The following KCNJ3 variants were observed in gnomAD, a reference collection of about 807,000 sequenced individuals.
KCNJ3 encodes G protein-activated inward rectifier potassium channel 1.
In KCNJ3, 4 loss-of-function variants were observed where a neutral mutation model predicts 39.2. The ratio of observed to expected loss-of-function variants is 0.10; its 90% CI spans 0.05 to 0.23. The LOEUF (loss-of-function observed/expected upper bound fraction) is 0.23, where lower values mean the gene tolerates loss of function less well. KCNJ3 is among the 10% of genes least tolerant of loss of function. KCNJ3 has a pLI of 1.00. For synonymous variants in KCNJ3, 230 were observed against 237.4 expected (o/e 0.97, Z 0.29); for missense variants, 276 against 634.9 (o/e 0.43, Z 6.08).
intron 2 of KCNJ3, among the ~76,000 whole-genome samples, chr2:154,779,519 T>TTTTATATATATAGTTATATATATA (rs1686398506): frequency 7.1e-6 from 1 of 141,630 alleles, no homozygotes; most frequent in East Asian, 2.0e-4. Flanking sequence ...TATATATATT[T>TTTTATATATATAGTTATATATATA]TTTATATATA....
At chr2:154,831,374 T>A (rs1687360398) in intron 2 of KCNJ3, among the ~76,000 whole-genome samples, 1 of 152,212 alleles carries the variant, frequency 6.6e-6, no homozygotes, top group East Asian at 1.9e-4. Flanking sequence ...TTCATAAGAT[T>A]AAATCTTTAA....
At chr2:154,745,159 T>C (rs1685719396) in intron 2 of KCNJ3, among the ~76,000 whole-genome samples, 1 of 151,982 alleles carries the variant, frequency 6.6e-6, no homozygotes, top group Admixed American at 6.6e-5. Context: ...CCTATCTTGA[T>C]ACATGCTATG....
chr2:154,754,867 G>A (rs1048630285), intron 2 of KCNJ3, among the ~76,000 whole-genome samples: 1 of 152,010 alleles, frequency 6.6e-6, no homozygotes, highest in South Asian at 2.1e-4. Context: ...AGTTATCTGT[G>A]GTTGGAGTTT....
intron 2 of KCNJ3, among the ~76,000 whole-genome samples, chr2:154,734,432 CCTT>C (rs1230686581): frequency 6.6e-6 from 1 of 152,192 alleles, no homozygotes; most frequent in African/African-American, 2.4e-5. Context: ...CTCACCCTCT[CCTT>C]CATCCTCTGC....
chr2:154,777,902 G>A (rs2105200882), intron 2 of KCNJ3, among the ~76,000 whole-genome samples: 1 of 152,230 alleles, frequency 6.6e-6, no homozygotes, highest in South Asian at 2.1e-4. Context: ...ACACATATAT[G>A]GAGCTTTAAT....
At chr2:154,704,230 G>C (rs1405826362) in intron 1 of KCNJ3, among the ~76,000 whole-genome samples, 1 of 152,068 alleles carries the variant, frequency 6.6e-6, no homozygotes. Flanking sequence ...AAAGTGAACA[G>C]AAATTAGGGG....
chr2:154,843,339 A>C (rs1434526517), intron 2 of KCNJ3, among the ~76,000 whole-genome samples: 1 of 151,912 alleles, frequency 6.6e-6, no homozygotes, highest in Admixed American at 6.6e-5. Context: ...TTTGTGGGTA[A>C]CTCAACCTTT....
At chr2:154,834,981 C>T (rs974857452) in intron 2 of KCNJ3, among the ~76,000 whole-genome samples, 2 of 151,568 alleles carry the variant, frequency 1.3e-5, no homozygotes, top group East Asian at 1.9e-4. Flanking sequence ...ATGTTGCTCA[C>T]TCCTCCTCAC....
chr2:154,786,946 A>G (rs542108012), intron 2 of KCNJ3, among the ~76,000 whole-genome samples: 1 of 152,188 alleles, frequency 6.6e-6, no homozygotes, highest in African/African-American at 2.4e-5. Context: ...GCCAGAGAAT[A>G]TTAATTTGTT....
chr2:154,745,885 C>T (rs1574445006), intron 2 of KCNJ3, among the ~76,000 whole-genome samples: 1 of 152,078 alleles, frequency 6.6e-6, no homozygotes, highest in Middle Eastern at 3.4e-3. Flanking sequence ...CAGATTCCCA[C>T]TCAGCCGTCA....
chr2:154,846,363 T>A (rs529108538), intron 2 of KCNJ3, among the ~76,000 whole-genome samples: 1 of 152,234 alleles, frequency 6.6e-6, no homozygotes, highest in Non-Finnish European at 1.5e-5. Context: ...TTTAATTAAT[T>A]GGAACCTTAA....
rs78188500 is a variant in KCNJ3, at chr2:154,739,263, C to A, written c.919+29444C>A. 8.2e-3 allele frequency among the ~76,000 whole-genome samples: 1,253 copies of A among 152,086 alleles called. 43 individuals carry two copies. The East Asian group carries it at 0.11, about 13-fold the overall frequency. On this transcript the variant is annotated intron_variant, in intron 2 of 2. Transcript: ENST00000295101. ...ACTAAGTGTTATTTTTATACGATAA[C>A]CACTGTACCAGCTTCTGAGAAAATT...
At position 154,782,620 on chromosome 2, in the gene KCNJ3, A is replaced by G. The variant is rs1314447287; in HGVS notation, c.920-72107A>G. Among the ~76,000 whole-genome samples the G allele has an allele frequency of 2.0e-5, 3 of 152,100 alleles. No homozygotes were observed. The East Asian group carries it at 5.8e-4, about 29-fold the overall frequency. ...AAATGACATGATAAAATATCTACTA[A>G]TAAATCTGTGTCCCCAACTGCTTGT... On this transcript the variant is annotated intron_variant, in intron 2 of 2. Transcript: ENST00000295101.
intron 2 of KCNJ3, among the ~76,000 whole-genome samples, chr2:154,836,839 G>A (rs1008369623): frequency 6.6e-6 from 1 of 152,138 alleles, no homozygotes; most frequent in African/African-American, 2.4e-5. Flanking sequence ...TTTTAAGCCT[G>A]CAAGCAAACA....
At chr2:154,702,108 A>C (rs533215602) in intron 1 of KCNJ3, among the ~76,000 whole-genome samples, 1 of 152,106 alleles carries the variant, frequency 6.6e-6, no homozygotes, top group Non-Finnish European at 1.5e-5. Flanking sequence ...CTATACCAAA[A>C]TCTTGGCATA....
chr2:154,751,607 A>G (rs1481410724), intron 2 of KCNJ3, among the ~76,000 whole-genome samples: 4 of 152,142 alleles, frequency 2.6e-5, no homozygotes, highest in East Asian at 1.9e-4. Context: ...AATATGTAAT[A>G]CAATTAAATA....
intron 2 of KCNJ3, among the ~76,000 whole-genome samples, chr2:154,753,776 C>T (rs1040215098): frequency 7.9e-5 from 12 of 152,260 alleles, no homozygotes; most frequent in African/African-American, 2.6e-4. Context: ...AATAATTATA[C>T]ATTTGCTTCT....
At chr2:154,714,190 C>T (rs970393980) in intron 2 of KCNJ3, among the ~76,000 whole-genome samples, 1 of 152,200 alleles carries the variant, frequency 6.6e-6, no homozygotes, top group East Asian at 1.9e-4. Flanking sequence ...GCATCCCTGA[C>T]ACCTAAATTC....
chr2:154,800,858 A>G (rs775746959), intron 2 of KCNJ3, among the ~76,000 whole-genome samples: 6 of 152,228 alleles, frequency 3.9e-5, no homozygotes, highest in Non-Finnish European at 8.8e-5. Context: ...AGTACAGTAT[A>G]TAAAAGTATA....
Sources: allele counts gnomAD v4.1 joint callset (sites outside exome capture counted in the v4.1 genomes callset), GRCh38; gene constraint gnomAD v4.1.1; transcripts MANE v1.5; gene names NCBI Gene and HGNC (gene_info 2026-07-23, HGNC 2026-07-21).